Variants in ZNF665 observed in about 807,000 individuals in gnomAD.
ZNF665 encodes zinc finger protein 665.
ZNF665 carries 6 observed loss-of-function variants against 7.9 expected under a neutral mutation model. That is an observed-to-expected ratio of 0.76 (90% CI 0.42 to 1.50). ZNF665 has a LOEUF of 1.50. Ranked by LOEUF, ZNF665 falls within the 40% of genes most tolerant of loss-of-function variation. The pLI, the probability that ZNF665 is intolerant of heterozygous loss-of-function variation, is 0.01. For synonymous variants in ZNF665, 242 were observed against 274.5 expected, an observed-to-expected ratio of 0.88 and a Z score of 1.17; for missense variants, 819 against 806.7, an observed-to-expected ratio of 1.02 and a Z score of -0.18.
At chr19:53,192,117 C>G (rs748331692) in intron 1 of ZNF665, among the ~76,000 whole-genome samples, 1 of 152,076 alleles carries the variant, frequency 6.6e-6, no homozygotes, top group Non-Finnish European at 1.5e-5. Context: ...TCCACTTGTT[C>G]TGTTCCATTC....
intron 3 of ZNF665, among the ~76,000 whole-genome samples, chr19:53,167,065 A>T (rs984532309): frequency 3.9e-5 from 6 of 151,948 alleles, no homozygotes; most frequent in Non-Finnish European, 7.4e-5. Context: ...TGAGTGGTGC[A>T]ATCTCGGCTC....
In ZNF665 at chr19:53,164,205, C is replaced by A; in HGVS notation, c.*248G>T. On this transcript the variant is annotated 3_prime_UTR_variant, in exon 4 of 4. Coordinates refer to ENST00000396424, the MANE Select transcript of ZNF665 (RefSeq NM_024733.5). ...CCAGGCTGGAGTGCAATGGCATGAT[C>A]TCGCTCACTGCAACCTCCGCCTCCC... 4.2e-6 allele frequency: 1 copy of A among 235,652 alleles called. No homozygotes were observed. Among genetic ancestry groups the A allele is most frequent in the Non-Finnish European group, 7.8e-6 (1 of 127,502 alleles). The allele number at this position is 235,652 out of a possible 1,614,324, so 14.6% of individuals were successfully genotyped here.
Position 53,163,835 on chromosome 19 carries a change from C to T in ZNF665, c.*618G>A, listed in dbSNP as rs777649455. On this transcript the variant is annotated 3_prime_UTR_variant, in exon 4 of 4. Transcript: ENST00000396424. The stretch of plus-strand genomic sequence containing the variant: ...AAACTAGAGACTGAGTTCTACTCTT[C>T]CTATGAATCCTCACCTACAGTTGTG... 2 of 152,314 alleles carry T rather than the reference C, an allele frequency of 1.3e-5. No individual in the cohort carries two copies. The highest frequency in any genetic ancestry group is 1.9e-4 in the East Asian group (1 of 5,170). The allele number at this position is 152,314 out of a possible 1,614,324, so 9.4% of individuals were successfully genotyped here. A position where few individuals can be genotyped will look rare whatever the true frequency, so the allele number is the denominator to read the frequency against.
chr19:53,192,893 G>T (rs1383970127), intron 1 of ZNF665, among the ~76,000 whole-genome samples: 1 of 152,112 alleles, frequency 6.6e-6, no homozygotes, highest in Admixed American at 6.6e-5. Context: ...CCTTAGGAGA[G>T]GGGTGGGGTA....
At chr19:53,174,983 A>G (rs528605694) in intron 3 of ZNF665, among the ~76,000 whole-genome samples, 77 of 151,570 alleles carry the variant, frequency 5.1e-4, no homozygotes, top group Middle Eastern at 3.4e-3. Context: ...AAGAAAGAAA[A>G]AAAAAAAGAA....
chr19:53,173,434 G>A (rs2090673968), intron 3 of ZNF665, among the ~76,000 whole-genome samples: 2 of 140,794 alleles, frequency 1.4e-5, no homozygotes, highest in South Asian at 4.6e-4. Context: ...GAGTGCAGTG[G>A]CACAATCTCA....
chr19:53,165,608 T>C lies in ZNF665; in HGVS notation c.882A>G (p.Glu294=). The change falls in exon 4 of 4, where the codon GAA becomes GAG. Residue 294 remains glutamate (E), a synonymous_variant. Coordinates refer to ENST00000396424, the MANE Select transcript of ZNF665 (RefSeq NM_024733.5). ...AATTTTGAGTGAAGCACTTGCCACA[T>C]TCCTTACATTTGTAAGGTTTTTCTC... ...HTGEKPYKCK[E]CGKCFTQNSH... The C allele has an allele frequency of 6.2e-7, 1 of 1,614,126 alleles. No individual in the cohort carries two copies. The highest frequency in any genetic ancestry group is 8.5e-7 in the Non-Finnish European group (1 of 1,180,020).
At chr19:53,168,533 T>G (rs1446236383) in intron 3 of ZNF665, among the ~76,000 whole-genome samples, 4 of 152,172 alleles carry the variant, frequency 2.6e-5, no homozygotes, top group African/African-American at 9.6e-5. Flanking sequence ...CACTCCCCAT[T>G]TAGCCTATTG....
chr19:53,193,050 A>T (rs2090830219), intron 1 of ZNF665, among the ~76,000 whole-genome samples: 1 of 152,156 alleles, frequency 6.6e-6, no homozygotes, highest in Non-Finnish European at 1.5e-5. Flanking sequence ...GGCGCAGGTC[A>T]GTAAAGGGTT....
rs190426205 is a variant in ZNF665, at chr19:53,192,773, G to A, written c.-46+539C>T. ...AAGAACACCGGGTATCACAGGACAA[G>A]GCCCGGGCACCTCCCCAACGCGGGC... is the stretch of plus-strand genomic sequence containing the variant. On this transcript the variant is annotated intron_variant, in intron 1 of 3. Coordinates refer to ENST00000396424, the MANE Select transcript of ZNF665 (RefSeq NM_024733.5). Among the ~76,000 whole-genome samples the A allele has an allele frequency of 6.6e-5, 10 of 152,220 alleles. No individual in the cohort carries two copies. In the East Asian group the frequency reaches 1.9e-3, roughly 30 times the overall value.
In ZNF665 at chr19:53,163,711, C is replaced by G. The variant is rs1429364462; in HGVS notation, c.*742G>C. On this transcript the variant is annotated 3_prime_UTR_variant, in exon 4 of 4. Coordinates refer to ENST00000396424, the MANE Select transcript of ZNF665 (RefSeq NM_024733.5). Reference sequence around the variant, plus strand: ...ATAAGCTGAAAGTAATTGGCCATTTCCAAACATCCTACAACCTTTGATATG... The same window carrying G: ...ATAAGCTGAAAGTAATTGGCCATTTGCAAACATCCTACAACCTTTGATATG... 1 of 152,174 alleles carries G rather than the reference C, an allele frequency of 6.6e-6. No homozygotes were observed. The highest frequency in any genetic ancestry group is 2.4e-5 in the African/African-American group (1 of 41,442). The allele number at this position is 152,174 out of a possible 1,614,324, so 9.4% of individuals were successfully genotyped here. A position where few individuals can be genotyped will look rare whatever the true frequency, so the allele number is the denominator to read the frequency against.
At chr19:53,171,524 A>ATATATATATTTTTTTT (rs372855271) in intron 3 of ZNF665, among the ~76,000 whole-genome samples, 7 of 69,324 alleles carry the variant, frequency 1.0e-4, no homozygotes, top group East Asian at 6.5e-4. Context: ...ATATATATAT[A>ATATATATATTTTTTTT]TTTTTTTTTT....
chr19:53,182,635 C>T (rs1414089447), intron 2 of ZNF665: 17 of 827,612 alleles, frequency 2.1e-5, no homozygotes, highest in African/African-American at 8.4e-5. Flanking sequence ...ACCCTCACCC[C>T]GTCTCCATCC....
chr19:53,167,540 G>A (rs1187942948), intron 3 of ZNF665, among the ~76,000 whole-genome samples: 26 of 149,470 alleles, frequency 1.7e-4, no homozygotes, highest in African/African-American at 4.9e-4. Context: ...TCCGCCTCCC[G>A]GGTTCCCGCC....
intron 3 of ZNF665, among the ~76,000 whole-genome samples, chr19:53,168,627 G>A (rs1273700376): frequency 6.6e-6 from 1 of 152,142 alleles, no homozygotes; most frequent in Non-Finnish European, 1.5e-5. Flanking sequence ...AAAATGGAAA[G>A]GATCTAGCAT....
chr19:53,184,436 C>CT (rs1158981158), intron 1 of ZNF665, among the ~76,000 whole-genome samples: 12 of 152,068 alleles, frequency 7.9e-5, no homozygotes, highest in Admixed American at 7.9e-4. Context: ...TGGGGAACAC[C>CT]TTTGGGGGAA....
intron 1 of ZNF665, among the ~76,000 whole-genome samples, chr19:53,192,777 C>T (rs891003795): frequency 2.0e-5 from 3 of 152,036 alleles, no homozygotes; most frequent in Non-Finnish European, 4.4e-5. Flanking sequence ...GGACAAGGCC[C>T]GGGCACCTCC....
chr19:53,182,319 T>G, intron 2 of ZNF665: 1 of 207,624 alleles, frequency 4.8e-6, no homozygotes, highest in Non-Finnish European at 9.8e-6. Flanking sequence ...TGCAGTGAGC[T>G]GAGATCGCGT....
chr19:53,169,766 G>A (rs1416851244), intron 3 of ZNF665, among the ~76,000 whole-genome samples: 4 of 143,970 alleles, frequency 2.8e-5, no homozygotes, highest in Admixed American at 7.4e-5. Context: ...TCCCACCTAT[G>A]AGTGAGAATA....
Sources: allele counts gnomAD v4.1 joint callset (sites outside exome capture counted in the v4.1 genomes callset), GRCh38; gene constraint gnomAD v4.1.1; transcripts MANE v1.5; gene names NCBI Gene and HGNC (gene_info 2026-07-23, HGNC 2026-07-21).